Variants in SORCS1 observed in about 807,000 individuals in gnomAD.
SORCS1 encodes VPS10 domain-containing receptor SorCS1.
Under a neutral mutation model 146.1 loss-of-function variants are expected in SORCS1, and 60 were observed. That is an observed-to-expected ratio of 0.41 (90% confidence interval 0.33 to 0.51). The LOEUF is 0.51. Among genes scored for constraint, SORCS1 ranks in the 20% least tolerant of loss-of-function variants. SORCS1 has a pLI of 0.21. For missense variants in SORCS1, 1,352 were observed against 1,487.6 expected (o/e 0.91, Z 1.50); for synonymous variants, 637 against 584.0 (o/e 1.09, Z -1.31).
At chr10:107,088,550 A>G (rs2134290398) in intron 1 of SORCS1, among the ~76,000 whole-genome samples, 1 of 152,316 alleles carries the variant, frequency 6.6e-6, no homozygotes, top group Non-Finnish European at 1.5e-5. Flanking sequence ...CGGCAGGCCA[A>G]CGATGTAACA....
intron 2 of SORCS1, 39 bp from the exon 3 acceptor site, chr10:106,829,712 A>T (rs993490234): frequency 2.0e-6 from 3 of 1,512,426 alleles, no homozygotes; most frequent in Non-Finnish European, 2.7e-6. Flanking sequence ...ACAGAAGTAT[A>T]TGTCATTTGG....
intron 22 of SORCS1, among the ~76,000 whole-genome samples, chr10:106,608,053 T>TC (rs988883010): frequency 2.0e-5 from 3 of 152,232 alleles, no homozygotes; most frequent in Non-Finnish European, 4.4e-5. Context: ...CCCCAGGGTT[T>TC]CCCCTGAATC....
intron 19 of SORCS1, among the ~76,000 whole-genome samples, chr10:106,625,200 CTGTGTGTGTGTGTGTGTGTGTGTGTG>C (rs3044907): frequency 2.1e-5 from 3 of 140,036 alleles, no homozygotes; most frequent in Admixed American, 7.2e-5. Flanking sequence ...TTGTGTGATT[CTGTGTGTGTGTGTGTGTGTGTGTGTG>C]TGTGTGTGTG....
intron 1 of SORCS1, among the ~76,000 whole-genome samples, chr10:107,131,581 C>T (rs575164835): frequency 4.4e-4 from 67 of 152,048 alleles, no homozygotes; most frequent in Non-Finnish European, 7.5e-4. Context: ...AAAAATTAGC[C>T]GGGTGTGGTG....
At chr10:107,105,241 G>C (rs772640793) in intron 1 of SORCS1, among the ~76,000 whole-genome samples, 3 of 152,184 alleles carry the variant, frequency 2.0e-5, no homozygotes, top group Non-Finnish European at 4.4e-5. Flanking sequence ...CCTCAGGACA[G>C]AACATGGTGT....
At chr10:106,720,417 T>C (rs535103442) in intron 6 of SORCS1, among the ~76,000 whole-genome samples, 1 of 151,106 alleles carries the variant, frequency 6.6e-6, no homozygotes, top group Admixed American at 6.6e-5. Flanking sequence ...CCTCCAAGGA[T>C]TGTTATAAGT....
At chr10:106,754,376 C>T (rs1371241353) in intron 5 of SORCS1, among the ~76,000 whole-genome samples, 1 of 152,132 alleles carries the variant, frequency 6.6e-6, no homozygotes, top group African/African-American at 2.4e-5. Flanking sequence ...TTTAAGAAGC[C>T]TATGGATACA....
At chr10:106,703,574 T>C (rs921387841) in intron 8 of SORCS1, among the ~76,000 whole-genome samples, 1 of 152,224 alleles carries the variant, frequency 6.6e-6, no homozygotes, top group African/African-American at 2.4e-5. Flanking sequence ...TTCTTTACTA[T>C]TAGTAAATAT....
At chr10:107,008,658 A>C (rs971109329) in intron 1 of SORCS1, among the ~76,000 whole-genome samples, 1 of 152,216 alleles carries the variant, frequency 6.6e-6, no homozygotes, top group African/African-American at 2.4e-5. Flanking sequence ...AATTTGCTTA[A>C]GTCTGGGTTA....
chr10:107,163,431 A>C (rs1281656336), intron 1 of SORCS1, among the ~76,000 whole-genome samples: 1 of 152,220 alleles, frequency 6.6e-6, no homozygotes, highest in Non-Finnish European at 1.5e-5. Flanking sequence ...CAGAGGATAC[A>C]CTAAAGAACA....
At chr10:106,766,726 T>G (rs1859602878) in intron 4 of SORCS1, among the ~76,000 whole-genome samples, 1 of 152,144 alleles carries the variant, frequency 6.6e-6, no homozygotes, top group South Asian at 2.1e-4. Context: ...CCCAATAGAT[T>G]TAAGTTTCTC....
chr10:107,099,256 T>C (rs1001662613), intron 1 of SORCS1, among the ~76,000 whole-genome samples: 1 of 152,166 alleles, frequency 6.6e-6, no homozygotes, highest in African/African-American at 2.4e-5. Flanking sequence ...ATATGATATA[T>C]CTCTCTTTAT....
chr10:106,679,603 A>G, intron 11 of SORCS1, 29 bp downstream of exon 11: 3 of 1,556,746 alleles, frequency 1.9e-6, no homozygotes, highest in Non-Finnish European at 1.8e-6. Context: ...ACTATTTACC[A>G]CAGCCAGCAA....
At chr10:107,029,945 T>A (rs1958575181) in intron 1 of SORCS1, among the ~76,000 whole-genome samples, 1 of 152,178 alleles carries the variant, frequency 6.6e-6, no homozygotes, top group Non-Finnish European at 1.5e-5. Context: ...ATGAAAGAGT[T>A]GATGGCAGAT....
At chr10:106,841,979 T>A (rs947093279) in intron 2 of SORCS1, among the ~76,000 whole-genome samples, 1 of 152,204 alleles carries the variant, frequency 6.6e-6, no homozygotes, top group African/African-American at 2.4e-5. Context: ...TTGAGTATAT[T>A]TGTTTTGTAA....
intron 18 of SORCS1, among the ~76,000 whole-genome samples, chr10:106,636,109 A>G (rs1848707507): frequency 6.6e-6 from 1 of 152,142 alleles, no homozygotes; most frequent in Non-Finnish European, 1.5e-5. Flanking sequence ...AGTAAGATTG[A>G]TCTAGTTGGG....
intron 4 of SORCS1, among the ~76,000 whole-genome samples, chr10:106,772,284 T>C (rs1018398811): frequency 1.3e-5 from 2 of 152,172 alleles, no homozygotes; most frequent in African/African-American, 4.8e-5. Context: ...CTCAGGACTT[T>C]GGACTTGGAC....
rs958040088 is a variant in SORCS1, at chr10:106,850,027, T to C, written c.627-20354A>G. Among the ~76,000 whole-genome samples the C allele has an allele frequency of 3.3e-5, 5 of 152,184 alleles. No homozygotes were observed. The East Asian group carries it at 9.7e-4, about 29-fold the overall frequency. ...AGACTTTTAAGTCTGCAGAGTTTAC[T>C]GCTGTCTTTTGGTTTGTCTGTGCCC... is the stretch of plus-strand genomic sequence containing the variant. On this transcript the variant is annotated intron_variant, in intron 2 of 25. Transcript: ENST00000263054.
chr10:106,767,642 C>T (rs1385184853), intron 4 of SORCS1, among the ~76,000 whole-genome samples: 1 of 152,076 alleles, frequency 6.6e-6, no homozygotes, highest in African/African-American at 2.4e-5. Context: ...GCATGCACCA[C>T]CACGCCCGGC....
Sources: gnomAD v4.1 joint callset for allele counts (sites outside exome capture counted in the v4.1 genomes callset) on GRCh38, gnomAD v4.1.1 for gene constraint, MANE v1.5 for transcripts, NCBI Gene and HGNC (gene_info 2026-07-23, HGNC 2026-07-21) for gene names.